TJP1: variants seen among roughly 807,000 people sequenced by gnomAD.
TJP1 encodes the protein tight junction protein ZO-1.
Under a neutral mutation model 194.2 loss-of-function variants are expected in TJP1, and 43 were observed. That is an observed-to-expected ratio of 0.22 (90% confidence interval 0.17 to 0.29). The LOEUF (loss-of-function observed/expected upper bound fraction) is 0.29, where lower values mean the gene tolerates loss of function less well. TJP1 is among the 10% of genes least tolerant of loss of function. TJP1 has a pLI of 1.00. For missense variants in TJP1, 1,971 were observed against 2,185.7 expected (o/e 0.90, Z 1.96); for synonymous variants, 801 against 779.0 (o/e 1.03, Z -0.47).
Position 29,700,427 on chromosome 15 carries a change from G to T in TJP1, c.*1168C>A, listed in dbSNP as rs2041469558. 1 of 398,758 alleles carries T rather than the reference G, an allele frequency of 2.5e-6. No individual in the cohort carries two copies. The highest frequency in any genetic ancestry group is 2.1e-5 in the African/African-American group (1 of 48,586). The allele number at this position is 398,758 out of a possible 1,614,324, so 24.7% of individuals were successfully genotyped here. The stretch of plus-strand genomic sequence containing the variant: ...TCTTTTAAATGCAGCACTTAAAAAT[G>T]TAACAACTCTGTGCATCCTTTTTCT... On this transcript the variant is annotated 3_prime_UTR_variant, in exon 28 of 28. Transcript: ENST00000614355.
intron 2 of TJP1, among the ~76,000 whole-genome samples, chr15:29,950,008 A>C (rs1324484405): frequency 0.018 from 178 of 10,136 alleles, no homozygotes; most frequent in Admixed American, 0.024. Context: ...CCACCTCCAC[A>C]ACCACCACCT....
intron 8 of TJP1, among the ~76,000 whole-genome samples, chr15:29,747,122 T>TA (rs1476647496): frequency 6.6e-6 from 1 of 151,934 alleles, no homozygotes; most frequent in Non-Finnish European, 1.5e-5. Context: ...CCCTCTCTAC[T>TA]AAAAAAACAA....
chr15:29,787,746 A>C (rs2047791097), intron 2 of TJP1, among the ~76,000 whole-genome samples: 1 of 152,222 alleles, frequency 6.6e-6, no homozygotes, highest in Non-Finnish European at 1.5e-5. Context: ...ATTATTCATC[A>C]GCTAATATAG....
chr15:29,758,675 G>T (rs1429889683), intron 8 of TJP1, among the ~76,000 whole-genome samples: 1 of 152,148 alleles, frequency 6.6e-6, no homozygotes, highest in Non-Finnish European at 1.5e-5. Context: ...CTGCTCCCGT[G>T]AATCATCAAA....
intron 25 of TJP1, among the ~76,000 whole-genome samples, chr15:29,706,949 C>A (rs1444089595): frequency 6.6e-6 from 1 of 152,168 alleles, no homozygotes; most frequent in Admixed American, 6.5e-5. Context: ...GCCACCGTGC[C>A]TGGCTGTTCT....
chr15:29,920,734 G>T (rs1478486891), intron 2 of TJP1, among the ~76,000 whole-genome samples: 1 of 152,158 alleles, frequency 6.6e-6, no homozygotes, highest in Non-Finnish European at 1.5e-5. Flanking sequence ...GCTGAGCAAG[G>T]GAACTAGAGT....
intron 2 of TJP1, among the ~76,000 whole-genome samples, chr15:29,871,397 C>T (rs1264461621): frequency 6.6e-6 from 1 of 152,268 alleles, no homozygotes; most frequent in Non-Finnish European, 1.5e-5. Context: ...CCCTCACTCC[C>T]ACCATGCCCT....
chr15:29,931,444 T>C (rs889214964), intron 2 of TJP1, among the ~76,000 whole-genome samples: 1 of 152,206 alleles, frequency 6.6e-6, no homozygotes, highest in African/African-American at 2.4e-5. Context: ...TTGAAAGTAA[T>C]TTTAGAAGAA....
chr15:29,968,785 C>T, exon 1 of TJP1: 14 of 1,215,640 alleles, frequency 1.2e-5, no homozygotes, highest in Non-Finnish European at 1.4e-5. Context: ...CGCTCGCGGG[C>T]AGGGCCCCGC....
At chr15:29,715,170 T>C (rs751066683) in intron 23 of TJP1, among the ~76,000 whole-genome samples, 1 of 152,112 alleles carries the variant, frequency 6.6e-6, no homozygotes, top group Non-Finnish European at 1.5e-5. Context: ...TCTGTTGAGG[T>C]ATGAACCCAG....
chr15:29,906,357 C>A (rs932274804), intron 2 of TJP1, among the ~76,000 whole-genome samples: 5 of 151,664 alleles, frequency 3.3e-5, no homozygotes, highest in Non-Finnish European at 1.5e-5. Flanking sequence ...CCTGTAATCC[C>A]AGCTACTCAG....
At chr15:29,828,165 AGAG>A (rs1282288980) in intron 2 of TJP1, among the ~76,000 whole-genome samples, 1 of 152,194 alleles carries the variant, frequency 6.6e-6, no homozygotes, top group Non-Finnish European at 1.5e-5. Flanking sequence ...GTGTGGAGAC[AGAG>A]GAGAGAGAGA....
chr15:29,839,289 C>T (rs2051144718), intron 2 of TJP1, among the ~76,000 whole-genome samples: 1 of 152,052 alleles, frequency 6.6e-6, no homozygotes, highest in African/African-American at 2.4e-5. Context: ...TGAGCCACCG[C>T]ACCCGGCCTA....
At chr15:29,760,704 A>G (rs1247750603) in intron 8 of TJP1, among the ~76,000 whole-genome samples, 1 of 152,104 alleles carries the variant, frequency 6.6e-6, no homozygotes, top group Non-Finnish European at 1.5e-5. Flanking sequence ...AAAAGAGAAA[A>G]CAAAGTCCAG....
At chr15:29,866,475 A>G (rs2052305939) in intron 2 of TJP1, among the ~76,000 whole-genome samples, 1 of 152,230 alleles carries the variant, frequency 6.6e-6, no homozygotes, top group Non-Finnish European at 1.5e-5. Flanking sequence ...GATGCAGGGA[A>G]GGATGAAAAC....
At chr15:29,739,611 T>TG (rs2044262074) in intron 10 of TJP1, among the ~76,000 whole-genome samples, 2 of 151,726 alleles carry the variant, frequency 1.3e-5, no homozygotes, top group Non-Finnish European at 2.9e-5. Flanking sequence ...GCCCGGCTAA[T>TG]TTTTTTGTAT....
intron 1 of TJP1, among the ~76,000 whole-genome samples, chr15:29,805,925 T>C (rs891059404): frequency 1.3e-5 from 2 of 152,142 alleles, no homozygotes; most frequent in African/African-American, 4.8e-5. Context: ...ATGCTACACA[T>C]GACGCTGGCT....
At chr15:29,841,299 C>G (rs2051215947) in intron 2 of TJP1, among the ~76,000 whole-genome samples, 1 of 152,088 alleles carries the variant, frequency 6.6e-6, no homozygotes, top group African/African-American at 2.4e-5. Flanking sequence ...GCTTACCAAG[C>G]AGAAATTCAG....
intron 24 of TJP1, among the ~76,000 whole-genome samples, chr15:29,710,038 C>A (rs1391684012): frequency 2.0e-5 from 3 of 151,964 alleles, no homozygotes; most frequent in Non-Finnish European, 4.4e-5. Flanking sequence ...CCCAGCTACT[C>A]AGGAGGCTGA....
Sources: gnomAD v4.1 joint callset for allele counts (sites outside exome capture counted in the v4.1 genomes callset) on GRCh38, gnomAD v4.1.1 for gene constraint, MANE v1.5 for transcripts, NCBI Gene and HGNC (gene_info 2026-07-23, HGNC 2026-07-21) for gene names.